Variants in GSG1L observed in about 807,000 individuals in gnomAD.
GSG1L encodes the protein GSG1 like.
In GSG1L, 24 loss-of-function variants were observed where a neutral mutation model predicts 42.1. The ratio of observed to expected loss-of-function variants is 0.57; its 90% CI spans 0.41 to 0.80. The LOEUF is 0.80. Ranked by LOEUF, GSG1L falls within the 30% of genes least tolerant of loss-of-function variation. The pLI is 0.00. For missense variants in GSG1L, 445 were observed against 472.2 expected, an observed-to-expected ratio of 0.94 and a Z score of 0.53; for synonymous variants, 215 against 203.5, an observed-to-expected ratio of 1.06 and a Z score of -0.48.
intron 3 of GSG1L, among the ~76,000 whole-genome samples, chr16:27,851,686 G>T (rs1443349050): frequency 6.6e-6 from 1 of 152,216 alleles, no homozygotes; most frequent in Non-Finnish European, 1.5e-5. Flanking sequence ...TGCTTGTTGT[G>T]TGAGATCCGT....
intron 4 of GSG1L, among the ~76,000 whole-genome samples, chr16:27,841,781 C>T (rs1296558089): frequency 2.0e-5 from 3 of 152,144 alleles, no homozygotes; most frequent in African/African-American, 4.8e-5. Context: ...AGGCCAGCCC[C>T]GAAGGAGGGA....
intron 1 of GSG1L, among the ~76,000 whole-genome samples, chr16:28,024,175 C>G (rs558521940): frequency 7.9e-5 from 12 of 152,290 alleles, no homozygotes; most frequent in Admixed American, 5.2e-4. Flanking sequence ...CATAAATAAC[C>G]CCTTCAATGG....
chr16:27,947,589 G>GAA (rs1290796515), intron 2 of GSG1L, among the ~76,000 whole-genome samples: 2 of 111,152 alleles, frequency 1.8e-5, no homozygotes, highest in Admixed American at 8.3e-5. Flanking sequence ...AAGAAAGAAA[G>GAA]AAAGAAAGAA....
intron 2 of GSG1L, among the ~76,000 whole-genome samples, chr16:27,888,479 T>TCTTTCC (rs2084069545): frequency 2.3e-5 from 1 of 44,388 alleles, no homozygotes; most frequent in African/African-American, 7.4e-5. Context: ...TCTCTCTCTC[T>TCTTTCC]TTCCTTTCTT....
chr16:27,983,358 A>C (rs1596674126), intron 1 of GSG1L, among the ~76,000 whole-genome samples: 1 of 152,088 alleles, frequency 6.6e-6, no homozygotes, highest in Middle Eastern at 3.4e-3. Flanking sequence ...TAAAAATAAA[A>C]ATTAATAAAA....
rs1303684056 is a variant in GSG1L at position 27,807,520 on chromosome 16, G to C, written c.865C>G (p.His289Asp). 6.2e-7 allele frequency: 1 copy of C among 1,612,902 alleles called. No individual in the cohort carries two copies. Among genetic ancestry groups the C allele is most frequent in the Non-Finnish European group, 8.5e-7 (1 of 1,179,914 alleles). ...EKRDGSEEDFHLDCRHERYPA... is the reference protein window; with the variant it reads ...EKRDGSEEDFDLDCRHERYPA... The stretch of plus-strand genomic sequence containing the variant: ...TATCTCTCGTGGCGGCAGTCTAAGT[G>C]AAAGTCCTCCTCGCTCCCGTCCCTC... Residue 289 changes from histidine (H) to aspartate (D), a missense_variant, in exon 6 of 7, where the codon CAC becomes GAC. Coordinates refer to ENST00000447459, the MANE Select transcript of GSG1L (RefSeq NM_001109763.2).
At chr16:27,868,084 T>C (rs1350838759) in intron 3 of GSG1L, among the ~76,000 whole-genome samples, 2 of 152,106 alleles carry the variant, frequency 1.3e-5, no homozygotes, top group Admixed American at 1.3e-4. Flanking sequence ...GCCCAATTTC[T>C]ACTTGGCCCT....
At chr16:27,894,016 G>A (rs1303027347) in intron 2 of GSG1L, among the ~76,000 whole-genome samples, 2 of 152,236 alleles carry the variant, frequency 1.3e-5, no homozygotes, top group Non-Finnish European at 2.9e-5. Context: ...GTTTCCCAAA[G>A]TGCAGGGATT....
intron 2 of GSG1L, among the ~76,000 whole-genome samples, chr16:27,909,184 C>T (rs1415091292): frequency 6.6e-6 from 1 of 152,106 alleles, no homozygotes; most frequent in South Asian, 2.1e-4. Flanking sequence ...AGCTGCTATC[C>T]TGTCGCTATG....
intron 4 of GSG1L, among the ~76,000 whole-genome samples, chr16:27,833,402 C>T (rs2083292154): frequency 6.6e-6 from 1 of 152,114 alleles, no homozygotes; most frequent in Non-Finnish European, 1.5e-5. Flanking sequence ...TGTAGCTATA[C>T]AATAAGTTTT....
intron 1 of GSG1L, among the ~76,000 whole-genome samples, chr16:28,035,533 G>A (rs1378965645): frequency 6.6e-6 from 1 of 152,094 alleles, no homozygotes; most frequent in Admixed American, 6.5e-5. Flanking sequence ...CAGGCAGTGG[G>A]GGCTGTACCG....
chr16:27,976,848 G>A (rs1196057950), intron 1 of GSG1L, among the ~76,000 whole-genome samples: 2 of 152,148 alleles, frequency 1.3e-5, no homozygotes, highest in African/African-American at 4.8e-5. Context: ...CTCCCGTCAT[G>A]AAGCCTGTCT....
intron 1 of GSG1L, among the ~76,000 whole-genome samples, chr16:28,000,389 G>A (rs749080986): frequency 7.9e-5 from 12 of 152,240 alleles, no homozygotes; most frequent in Non-Finnish European, 1.3e-4. Context: ...TGCATGGCGA[G>A]AAGGACTCCA....
At chr16:27,919,770 C>T (rs1261772001) in intron 2 of GSG1L, among the ~76,000 whole-genome samples, 2 of 152,198 alleles carry the variant, frequency 1.3e-5, no homozygotes, top group Non-Finnish European at 2.9e-5. Flanking sequence ...GTCGGCTCAA[C>T]ATTACACCCT....
chr16:27,926,758 G>A (rs906427538), intron 2 of GSG1L, among the ~76,000 whole-genome samples: 4 of 152,196 alleles, frequency 2.6e-5, no homozygotes, highest in Non-Finnish European at 5.9e-5. Context: ...ATTGAAGAAA[G>A]TGACATATGG....
chr16:27,892,714 C>T (rs942304799), intron 2 of GSG1L, among the ~76,000 whole-genome samples: 2 of 150,342 alleles, frequency 1.3e-5, no homozygotes, highest in South Asian at 4.2e-4. Flanking sequence ...TCCTTGAACC[C>T]GGGAGGTGGA....
At chr16:27,823,469 TA>T (rs1230501879) in intron 5 of GSG1L, among the ~76,000 whole-genome samples, 74 of 151,110 alleles carry the variant, frequency 4.9e-4, no homozygotes, top group African/African-American at 1.7e-3. Flanking sequence ...GTGGTGGGGG[TA>T]GGGGTGGGAA....
At chr16:27,835,019 A>T (rs1048410893) in intron 4 of GSG1L, among the ~76,000 whole-genome samples, 1 of 152,020 alleles carries the variant, frequency 6.6e-6, no homozygotes, top group Admixed American at 6.5e-5. Flanking sequence ...TCTCAATTAG[A>T]TCCTATTGGT....
rs368394279 is a variant in GSG1L at position 27,979,661 on chromosome 16, A to AAGAAAG, written c.350-16459_350-16458insCTTTCT. ...GGGAGGGGAAAGAAAGAAAGAAAGA[A>AAGAAAG]AGAGAGAGAGAGAGAGAGAAAGAAA... On this transcript the variant is annotated intron_variant, in intron 1 of 6. Transcript: ENST00000447459. Among the ~76,000 whole-genome samples, 159 of 67,710 alleles carry AAGAAAG rather than the reference A, an allele frequency of 2.3e-3. 9 individuals carry two copies. Among genetic ancestry groups the AAGAAAG allele is most frequent in the East Asian group, 5.2e-3 (14 of 2,710 alleles). The allele number at this position is 67,710 out of a possible 152,430, so 44.4% of individuals were successfully genotyped here.
Sources: allele counts gnomAD v4.1 joint callset (sites outside exome capture counted in the v4.1 genomes callset), GRCh38; gene constraint gnomAD v4.1.1; transcripts MANE v1.5; gene names NCBI Gene and HGNC (gene_info 2026-07-23, HGNC 2026-07-21).